DENND2B: variants seen among roughly 807,000 people sequenced by gnomAD.
DENND2B encodes the protein DENN domain-containing protein 2B.
A neutral mutation model predicts 116.0 loss-of-function variants in DENND2B; 32 were observed. The ratio of observed to expected loss-of-function variants is 0.28; its 90% CI spans 0.21 to 0.37. DENND2B has a LOEUF of 0.37. DENND2B is among the 10% of genes least tolerant of loss of function. DENND2B has a pLI of 1.00. For missense variants in DENND2B, 1,276 were observed against 1,477.7 expected (o/e 0.86, Z 2.24); for synonymous variants, 588 against 583.9 (o/e 1.01, Z -0.10).
In DENND2B at chr11:8,708,300, T is replaced by G. The variant is rs182580899; in HGVS notation, c.2353-446A>C. The G allele has an allele frequency of 3.7e-5, 36 of 985,490 alleles. 1 individual carries two copies. In the African/African-American group the frequency reaches 5.6e-4, roughly 15 times the overall value. 61.0% of individuals were successfully genotyped at this position (985,490 alleles called of 1,614,324 possible). ...ACATTCGGCATACCATTCCTTTTTT[T>G]GCTTCTTTTCTCCCTTTCTTGATCC... On this transcript the variant is annotated intron_variant, in intron 11 of 19. Transcript: ENST00000313726.
intron 1 of DENND2B, among the ~76,000 whole-genome samples, chr11:8,777,591 C>A (rs2057881727): frequency 1.3e-5 from 2 of 152,240 alleles, no homozygotes; most frequent in Non-Finnish European, 2.9e-5. Flanking sequence ...AATGCCCACA[C>A]CATCAGATGA....
intron 1 of DENND2B, among the ~76,000 whole-genome samples, chr11:8,900,345 T>A (rs1271466966): frequency 6.8e-6 from 1 of 147,322 alleles, no homozygotes; most frequent in African/African-American, 2.5e-5. Flanking sequence ...GGCAGGAGAA[T>A]GACATGAACC....
Position 8,768,623 on chromosome 11 carries a change from G to A in DENND2B, c.-25-17898C>T, listed in dbSNP as rs146635107. Among the ~76,000 whole-genome samples, 125 of 152,272 alleles carry A rather than the reference G, an allele frequency of 8.2e-4. 2 individuals carry two copies. The highest frequency in any genetic ancestry group is 2.8e-3 in the African/African-American group (115 of 41,574). On this transcript the variant is annotated intron_variant, in intron 1 of 19. Transcript: ENST00000313726. The stretch of plus-strand genomic sequence containing the variant: ...AGGAATCAAATCTACCATCAGGTGA[G>A]CAGACCCCTTTAGTAGATGTGACTA...
intron 1 of DENND2B, among the ~76,000 whole-genome samples, chr11:8,771,157 CA>C (rs2056777917): frequency 6.6e-6 from 1 of 152,136 alleles, no homozygotes; most frequent in Admixed American, 6.5e-5. Flanking sequence ...GCGGGATGCA[CA>C]AGGAGCTGTG....
chr11:8,724,911 T>G (rs537316696), intron 4 of DENND2B, among the ~76,000 whole-genome samples: 2 of 152,302 alleles, frequency 1.3e-5, no homozygotes, highest in African/African-American at 4.8e-5. Context: ...ACGCTTGGGC[T>G]CCCCAGCTGG....
rs1268219405 is a variant in DENND2B at position 8,712,556 on chromosome 11, G to A, written c.2167C>T (p.Pro723Ser). Residue 723 changes from proline (P) to serine (S), a missense_variant, in exon 9 of 20, where the codon CCC (proline) becomes TCC (serine). Physicochemically the swap from Pro to Ser is moderately conservative, Grantham distance 74 (BLOSUM62 -1). Around this residue, in one of 2 missense-constraint regions of DENND2B, gnomAD observed 420 missense variants for 631.1 expected, o/e 0.67. Coordinates refer to ENST00000313726, the MANE Select transcript of DENND2B (RefSeq NM_213618.2). This position sits in a 1 kb window ranked among gnomAD's most constrained non-coding sequence, Gnocchi z 4.4. ...GGGGAGAGAGAAGGCCTCACCTTGG[G>A]AAACTGGTAGGAGACTTCGGGGAGG... Reference protein sequence around the residue: ...TYLPEVSYQFPKLDRPTKQMR... With the variant: ...TYLPEVSYQFSKLDRPTKQMR... 1 of 1,552,052 alleles carries A rather than the reference G, an allele frequency of 6.4e-7. No homozygotes were observed. The highest frequency in any genetic ancestry group is 2.0e-5 in the Admixed American group (1 of 51,076).
At chr11:8,738,349 C>T (rs570922443) in intron 2 of DENND2B, among the ~76,000 whole-genome samples, 5 of 152,330 alleles carry the variant, frequency 3.3e-5, no homozygotes, top group South Asian at 2.1e-4. Context: ...TCTTCTCAGT[C>T]GGTTTCCTTG....
At chr11:8,901,232 T>TTCTTTTTC (rs1383580426) in intron 1 of DENND2B, among the ~76,000 whole-genome samples, 1 of 82,754 alleles carries the variant, frequency 1.2e-5, no homozygotes, top group African/African-American at 3.6e-5. Context: ...TTCTTTTCTT[T>TTCTTTTTC]TTTTTTTTTT....
chr11:8,761,854 T>C (rs2054707642), intron 1 of DENND2B, among the ~76,000 whole-genome samples: 1 of 152,158 alleles, frequency 6.6e-6, no homozygotes, highest in African/African-American at 2.4e-5. Flanking sequence ...CACAGATAGC[T>C]TACGGAGACT....
chr11:8,715,567 T>A (rs752204685), intron 6 of DENND2B, 36 bp downstream of exon 6: 69 of 1,604,988 alleles, frequency 4.3e-5, no homozygotes, highest in Non-Finnish European at 5.4e-5. Context: ...CCCGCCCACC[T>A]GCCCGGCTCC....
intron 1 of DENND2B, among the ~76,000 whole-genome samples, chr11:8,787,742 A>C (rs540652214): frequency 3.9e-5 from 6 of 151,996 alleles, no homozygotes; most frequent in African/African-American, 9.7e-5. Flanking sequence ...TTTTCTCTCA[A>C]CTCCCTTTTA....
chr11:8,805,120 A>C (rs2060727713), intron 1 of DENND2B, among the ~76,000 whole-genome samples: 1 of 152,208 alleles, frequency 6.6e-6, no homozygotes, highest in African/African-American at 2.4e-5. Context: ...AACCTGCCCA[A>C]GGTCACACAG....
At chr11:8,898,302 C>T (rs2064126882) in intron 1 of DENND2B, among the ~76,000 whole-genome samples, 1 of 152,070 alleles carries the variant, frequency 6.6e-6, no homozygotes, top group South Asian at 2.1e-4. Flanking sequence ...TGAGGAGGGA[C>T]AACTGCTTCA....
At chr11:8,697,699 GACC>G in intron 16 of DENND2B, 63 bp from the exon 17 acceptor site, 12 of 1,091,744 alleles carry the variant, frequency 1.1e-5, no homozygotes, top group Non-Finnish European at 1.4e-5. Flanking sequence ...TATGTGCTAA[GACC>G]TGTTAGAAGA....
chr11:8,809,144 A>G (rs1004463912), intron 1 of DENND2B: 1 of 152,246 alleles, frequency 6.6e-6, no homozygotes, highest in Non-Finnish European at 1.5e-5. Flanking sequence ...CAAGAGGAAT[A>G]ACTTCAGAAG....
In DENND2B at chr11:8,710,857, G is replaced by A; in HGVS notation, c.2340C>T (p.Cys780=). The A allele has an allele frequency of 1.9e-6, 3 of 1,613,920 alleles. No homozygotes were observed. The highest frequency in any genetic ancestry group is 2.7e-5 in the African/African-American group (2 of 74,960). Residue 780 remains cysteine, a synonymous_variant, in exon 11 of 20, where the codon TGC becomes TGT. Transcript: ENST00000313726. The part of the protein sequence containing the change: ...GEDGSRRFGY[C]RRLLPSGKGP... ...TGGCCTCACTCACCAGTAAGCGCCT[G>A]CAGTAGCCAAAGCGTCTGCTGCCAT...
intron 2 of DENND2B, among the ~76,000 whole-genome samples, chr11:8,878,552 A>G (rs1228034153): frequency 6.6e-6 from 1 of 151,966 alleles, no homozygotes; most frequent in African/African-American, 2.4e-5. Context: ...ATCATGACCA[A>G]CTAATTTTTG....
chr11:8,735,428 C>T (rs1296830712), intron 2 of DENND2B, among the ~76,000 whole-genome samples: 2 of 152,198 alleles, frequency 1.3e-5, no homozygotes, highest in Non-Finnish European at 2.9e-5. Context: ...CCAGAAAACC[C>T]ACAGAAATGT....
At chr11:8,857,366 A>C (rs1193218422) in exon 3 of DENND2B, 1 of 152,180 alleles carries the variant, frequency 6.6e-6, no homozygotes, top group Non-Finnish European at 1.5e-5. Context: ...AGGGCCTCCT[A>C]ACTCCTCTTA....
Sources: allele counts gnomAD v4.1 joint callset (sites outside exome capture counted in the v4.1 genomes callset), GRCh38; gene constraint gnomAD v4.1.1; regional missense constraint gnomAD v4.1.1; non-coding constraint Gnocchi (gnomAD v3.1); transcripts MANE v1.5; gene names NCBI Gene and HGNC (gene_info 2026-07-23, HGNC 2026-07-21).